Variants in LRRTM4 observed in about 807,000 individuals in gnomAD.
LRRTM4 encodes leucine-rich repeat transmembrane neuronal protein 4.
LRRTM4 carries 25 observed loss-of-function variants against 47.6 expected under a neutral mutation model. The observed-to-expected ratio is 0.53, with a 90% CI of 0.38 to 0.73. LRRTM4 has a LOEUF of 0.73. Among genes scored for constraint, LRRTM4 ranks in the 30% least tolerant of loss-of-function variants. LRRTM4 has a pLI of 0.00. For missense variants in LRRTM4, 638 were observed against 713.4 expected (o/e 0.89, Z 1.20); for synonymous variants, 311 against 269.5 (o/e 1.15, Z -1.51).
chr2:77,015,780 C>T (rs557807364), intron 3 of LRRTM4, among the ~76,000 whole-genome samples: 3 of 152,246 alleles, frequency 2.0e-5, no homozygotes, highest in Middle Eastern at 3.4e-3. Context: ...ATACTGAGGA[C>T]TTGCCGCCAT....
At chr2:77,362,731 T>C (rs1335120387) in intron 3 of LRRTM4, among the ~76,000 whole-genome samples, 1 of 152,188 alleles carries the variant, frequency 6.6e-6, no homozygotes, top group Non-Finnish European at 1.5e-5. Context: ...AGACTGTGGC[T>C]ACTCCTTCCT....
chr2:76,864,660 CAAA>C (rs758059198), intron 3 of LRRTM4, among the ~76,000 whole-genome samples: 5 of 100,720 alleles, frequency 5.0e-5, no homozygotes, highest in Non-Finnish European at 2.2e-5. Context: ...AACTCCATCC[CAAA>C]AAAAAAAAAA....
intron 3 of LRRTM4, among the ~76,000 whole-genome samples, chr2:77,357,016 TA>T (rs1250154176): frequency 6.6e-6 from 1 of 152,160 alleles, no homozygotes; most frequent in African/African-American, 2.4e-5. Flanking sequence ...AATGGCATCC[TA>T]AGTTATTAGT....
chr2:76,784,029 G>C (rs1471652119), intron 3 of LRRTM4, among the ~76,000 whole-genome samples: 1 of 152,068 alleles, frequency 6.6e-6, no homozygotes, highest in Non-Finnish European at 1.5e-5. Flanking sequence ...TATTGTGAAA[G>C]TGAGAAAACA....
chr2:77,273,195 C>G (rs1676253218), intron 3 of LRRTM4, among the ~76,000 whole-genome samples: 1 of 151,928 alleles, frequency 6.6e-6, no homozygotes, highest in Non-Finnish European at 1.5e-5. Flanking sequence ...TTTTTTCTGT[C>G]TAAATTAACA....
intron 3 of LRRTM4, among the ~76,000 whole-genome samples, chr2:77,167,538 A>G (rs1672921023): frequency 6.6e-6 from 1 of 152,204 alleles, no homozygotes; most frequent in African/African-American, 2.4e-5. Context: ...AATAGCAAAG[A>G]CTTGGAACCA....
At chr2:77,354,075 G>A (rs1671883517) in intron 3 of LRRTM4, among the ~76,000 whole-genome samples, 2 of 152,132 alleles carry the variant, frequency 1.3e-5, no homozygotes, top group Admixed American at 6.5e-5. Flanking sequence ...TACAATTTCT[G>A]GAAAAGGAGT....
At chr2:76,855,478 G>C (rs1190957202) in intron 3 of LRRTM4, among the ~76,000 whole-genome samples, 1 of 152,262 alleles carries the variant, frequency 6.6e-6, no homozygotes, top group Non-Finnish European at 1.5e-5. Flanking sequence ...TAAAATTTCT[G>C]TTAAAACCAA....
intron 3 of LRRTM4, among the ~76,000 whole-genome samples, chr2:77,476,043 A>G (rs986402855): frequency 6.6e-6 from 1 of 152,044 alleles, no homozygotes; most frequent in African/African-American, 2.4e-5. Flanking sequence ...ATTAATTAGT[A>G]TATTTCCCTA....
intron 3 of LRRTM4, among the ~76,000 whole-genome samples, chr2:76,920,380 A>G (rs1421419988): frequency 1.3e-5 from 2 of 152,144 alleles, no homozygotes; most frequent in Non-Finnish European, 2.9e-5. Context: ...ATTTTAGATT[A>G]TTAGATAACT....
intron 3 of LRRTM4, among the ~76,000 whole-genome samples, chr2:77,384,902 T>A (rs774970036): frequency 1.3e-5 from 2 of 152,084 alleles, no homozygotes; most frequent in Non-Finnish European, 2.9e-5. Context: ...AAATTTCATG[T>A]TATACAAATA....
chr2:76,836,379 T>C (rs1276969390), intron 3 of LRRTM4, among the ~76,000 whole-genome samples: 2 of 151,960 alleles, frequency 1.3e-5, no homozygotes, highest in Non-Finnish European at 2.9e-5. Context: ...ATATTATCTT[T>C]CTTCTTTCTT....
intron 3 of LRRTM4, among the ~76,000 whole-genome samples, chr2:76,865,994 G>T (rs1383299356): frequency 2.0e-5 from 3 of 151,986 alleles, no homozygotes; most frequent in African/African-American, 7.2e-5. Flanking sequence ...AGGGTGATTA[G>T]TCAAAACCCC....
At chr2:77,071,414 A>G (rs567398468) in intron 3 of LRRTM4, among the ~76,000 whole-genome samples, 3 of 152,198 alleles carry the variant, frequency 2.0e-5, no homozygotes, top group Non-Finnish European at 4.4e-5. Context: ...TTGAAAATTT[A>G]TGAGTGATAT....
At chr2:77,051,702 A>G (rs1038585812) in intron 3 of LRRTM4, among the ~76,000 whole-genome samples, 24 of 152,200 alleles carry the variant, frequency 1.6e-4, no homozygotes, top group Non-Finnish European at 3.1e-4. Flanking sequence ...CTGTAAAACC[A>G]GGTTTTGTGT....
At chr2:77,411,645 T>G (rs71420995) in intron 3 of LRRTM4, among the ~76,000 whole-genome samples, 3 of 83,688 alleles carry the variant, frequency 3.6e-5, no homozygotes, top group African/African-American at 1.1e-4. Context: ...TTTTTTTTTG[T>G]AATTTTAGTA....
chr2:77,508,659 G>C (rs1678866813), intron 3 of LRRTM4, among the ~76,000 whole-genome samples: 1 of 151,938 alleles, frequency 6.6e-6, no homozygotes, highest in African/African-American at 2.4e-5. Flanking sequence ...AACTTAGAAA[G>C]AAATGTGTTT....
At chr2:77,293,531 A>T (rs1676887142) in intron 3 of LRRTM4, among the ~76,000 whole-genome samples, 1 of 152,150 alleles carries the variant, frequency 6.6e-6, no homozygotes, top group Admixed American at 6.6e-5. Context: ...CATTCTCTTG[A>T]TCAACACACA....
intron 3 of LRRTM4, among the ~76,000 whole-genome samples, chr2:77,291,743 T>C (rs948457709): frequency 2.0e-5 from 3 of 152,134 alleles, no homozygotes; most frequent in African/African-American, 7.2e-5. Context: ...ATTATGTTTT[T>C]ATTTTGAATG....
Sources: gnomAD v4.1 joint callset for allele counts (sites outside exome capture counted in the v4.1 genomes callset) on GRCh38, gnomAD v4.1.1 for gene constraint, MANE v1.5 for transcripts, NCBI Gene and HGNC (gene_info 2026-07-23, HGNC 2026-07-21) for gene names.